Variants in USP46 observed in about 807,000 individuals in gnomAD.
USP46 encodes ubiquitin specific peptidase 46.
A neutral mutation model predicts 44.4 loss-of-function variants in USP46; 12 were observed. The ratio of observed to expected loss-of-function variants is 0.27; its 90% confidence interval spans 0.17 to 0.44. The LOEUF is 0.44. Ranked by LOEUF, USP46 falls within the 20% of genes least tolerant of loss-of-function variation. The probability of loss-of-function intolerance (pLI) is 1.00; values close to 1 mark genes in which losing one functional copy is unlikely to be tolerated. For missense variants in USP46, 248 were observed against 444.8 expected (o/e 0.56, Z 3.98); for synonymous variants, 155 against 161.5 (o/e 0.96, Z 0.31).
chr4:52,605,689 T>C (rs1161261889), intron 5 of USP46, among the ~76,000 whole-genome samples: 1 of 152,118 alleles, frequency 6.6e-6, no homozygotes, highest in East Asian at 1.9e-4. Flanking sequence ...CAGAGATGTG[T>C]GCAAATGAAC....
intron 1 of USP46, among the ~76,000 whole-genome samples, chr4:52,655,578 T>C (rs924954422): frequency 6.6e-6 from 1 of 152,172 alleles, no homozygotes; most frequent in African/African-American, 2.4e-5. Context: ...ACAAAAACTT[T>C]CCATTTGCAG....
chr4:52,625,887 T>C (rs1577677528), intron 4 of USP46, 131 bp downstream of exon 4: 2 of 936,634 alleles, frequency 2.1e-6, no homozygotes, highest in East Asian at 5.3e-5. Flanking sequence ...GAGTTTCATA[T>C]GCATAAATAG....
At position 52,628,175 on chromosome 4, in the gene USP46, C is replaced by A. The variant is rs774956336; in HGVS notation, c.118-12G>T. ...CATGTGTTTCCAAACTGCCAAGGGA[C>A]AAGAGGGATGGCTCAAGTCATTGCC... On this transcript the variant is annotated splice_polypyrimidine_tract_variant and intron_variant, in intron 2 of 8. Coordinates refer to ENST00000441222, the MANE Select transcript of USP46 (RefSeq NM_022832.4). 2 of 1,611,186 alleles carry A rather than the reference C, an allele frequency of 1.2e-6. No homozygotes were observed. Among genetic ancestry groups the A allele is most frequent in the Non-Finnish European group, 1.7e-6 (2 of 1,177,958 alleles).
rs1201828331 is a variant in USP46, at chr4:52,598,662, C to T, written c.965G>A (p.Gly322Asp). 6.2e-7 allele frequency: 1 copy of T among 1,610,604 alleles called. No homozygotes were observed. Among genetic ancestry groups the T allele is most frequent in the Non-Finnish European group, 8.5e-7 (1 of 1,178,690 alleles). The change falls in exon 8 of 9, where the codon GGC (glycine) becomes GAC (aspartate). Residue 322 changes from glycine to aspartate, a missense_variant. Physicochemically the swap from Gly to Asp is moderately conservative, Grantham distance 94. Coordinates refer to ENST00000441222, the MANE Select transcript of USP46 (RefSeq NM_022832.4). ...GHYITIVKSH[G>D]FWLLFDDDIV... is the part of the protein sequence containing the mutation. ...GTCATCATCAAACAAAAGCCAGAAG[C>T]CGTGACTTTTCACAATAGTGATATA...
chr4:52,649,312 A>C (rs1291300290), intron 1 of USP46, among the ~76,000 whole-genome samples: 1 of 152,246 alleles, frequency 6.6e-6, no homozygotes, highest in African/African-American at 2.4e-5. Flanking sequence ...CATAGCTCAC[A>C]CAGTGCTTCC....
chr4:52,632,930 A>G (rs1717905616), intron 1 of USP46, among the ~76,000 whole-genome samples: 1 of 63,206 alleles, frequency 1.6e-5, no homozygotes, highest in East Asian at 4.0e-4. Flanking sequence ...GAAAGAAAGA[A>G]AGAAAGAAAG....
Position 52,596,672 on chromosome 4 carries a change from T to C in USP46, c.*968A>G, listed in dbSNP as rs1716257339. On this transcript the variant is annotated 3_prime_UTR_variant, in exon 9 of 9. Coordinates refer to ENST00000441222, the MANE Select transcript of USP46 (RefSeq NM_022832.4). ...TAAAAAGTTAAGTTGTACAACGTGC[T>C]GATGGCTGGAAAGATGTAGTACCTT... 6.6e-6 allele frequency: 1 copy of C among 152,424 alleles called. No individual in the cohort carries two copies. The highest frequency in any genetic ancestry group is 2.4e-5 in the African/African-American group (1 of 41,448). The allele number at this position is 152,424 out of a possible 1,614,324, so 9.4% of individuals were successfully genotyped here.
Position 52,595,978 on chromosome 4 carries a change from T to C in USP46, c.*1662A>G, listed in dbSNP as rs1716224494. 1 of 152,672 alleles carries C rather than the reference T, an allele frequency of 6.5e-6. No homozygotes were observed. Among genetic ancestry groups the C allele is most frequent in the Admixed American group, 6.5e-5 (1 of 15,274 alleles). 9.5% of individuals were successfully genotyped at this position (152,672 alleles called of 1,614,324 possible). ...ACAAGGCAAGGTACATTTCCATCAC[T>C]TGTATAAAACAATAACATGAAGATC... On this transcript the variant is annotated 3_prime_UTR_variant, in exon 9 of 9. Coordinates refer to ENST00000441222, the MANE Select transcript of USP46 (RefSeq NM_022832.4).
At chr4:52,609,595 T>G (rs564404797) in intron 5 of USP46, among the ~76,000 whole-genome samples, 138 of 152,292 alleles carry the variant, frequency 9.1e-4, no homozygotes, top group Non-Finnish European at 1.4e-3. Flanking sequence ...GGCTTCTCTT[T>G]CTGCTGTGGA....
At position 52,632,887 on chromosome 4, in the gene USP46, G is replaced by A. The variant is rs575450288; in HGVS notation, c.37-1743C>T. ...GACAAGACAGAGAAAGAAAAGGAAG[G>A]AAGGAAGGAAGGGAAAGAGAAAGAA... On this transcript the variant is annotated intron_variant, in intron 1 of 8. Coordinates refer to ENST00000441222, the MANE Select transcript of USP46 (RefSeq NM_022832.4). Among the ~76,000 whole-genome samples the A allele has an allele frequency of 1.5e-4, 17 of 117,218 alleles. No individual in the cohort carries two copies. In the East Asian group the frequency reaches 4.8e-3, roughly 33 times the overall value. 76.9% of individuals were successfully genotyped at this position (117,218 alleles called of 152,430 possible).
intron 5 of USP46, among the ~76,000 whole-genome samples, chr4:52,605,660 C>T (rs1294989550): frequency 6.6e-6 from 1 of 152,224 alleles, no homozygotes; most frequent in African/African-American, 2.4e-5. Context: ...TAACTGCCTT[C>T]ATACGGCTCA....
chr4:52,632,919 A>AGAAAGAAAGAAG (rs1717903020), intron 1 of USP46, among the ~76,000 whole-genome samples: 1 of 9,092 alleles, frequency 1.1e-4, no homozygotes, highest in Non-Finnish European at 4.0e-4. Flanking sequence ...AGAAAGAAAG[A>AGAAAGAAAGAAG]GAAAGAAAGA....
intron 4 of USP46, among the ~76,000 whole-genome samples, chr4:52,615,104 G>A (rs1202491998): frequency 6.6e-6 from 1 of 151,964 alleles, no homozygotes; most frequent in East Asian, 1.9e-4. Flanking sequence ...AGAAAATATA[G>A]AAGAGGAACA....
chr4:52,646,401 T>G (rs567483821), intron 1 of USP46, among the ~76,000 whole-genome samples: 33 of 152,278 alleles, frequency 2.2e-4, no homozygotes, highest in African/African-American at 6.7e-4. Context: ...CTGGGCTCTC[T>G]CCTCCCATCC....
intron 1 of USP46, among the ~76,000 whole-genome samples, chr4:52,637,640 C>T (rs920160957): frequency 6.6e-6 from 1 of 152,140 alleles, no homozygotes; most frequent in Non-Finnish European, 1.5e-5. Flanking sequence ...TTTTACTCTA[C>T]TGCCACCAGC....
intron 1 of USP46, among the ~76,000 whole-genome samples, chr4:52,640,763 G>A (rs1450825780): frequency 6.8e-6 from 1 of 146,542 alleles, no homozygotes; most frequent in Non-Finnish European, 1.5e-5. Context: ...CCAAGATCAC[G>A]CCACGGCACT....
In USP46 at chr4:52,594,849, T is replaced by G. The variant is rs927731206; in HGVS notation, c.*2791A>C. ...ATTCAAACTAATGCCCTGCTTGTGT[T>G]GTGCCTCACTCTCTTTAGACCAGTC... On this transcript the variant is annotated 3_prime_UTR_variant, in exon 9 of 9. Transcript: ENST00000441222. 2.6e-5 allele frequency: 4 copies of G among 152,200 alleles called. No individual in the cohort carries two copies. The highest frequency in any genetic ancestry group is 9.6e-5 in the African/African-American group (4 of 41,458). The allele number at this position is 152,200 out of a possible 1,614,324, so 9.4% of individuals were successfully genotyped here.
At chr4:52,604,703 T>C in intron 5 of USP46, 119 bp from the exon 6 acceptor site, 2 of 680,444 alleles carry the variant, frequency 2.9e-6, no homozygotes, top group East Asian at 6.2e-5. Flanking sequence ...GAAGAAGTAA[T>C]CAGAAAAAAA....
chr4:52,596,186 A>AT lies in USP46; in HGVS notation c.*1453dup, dbSNP rs1716231407. The AT allele has an allele frequency of 6.6e-6, 1 of 152,550 alleles. No homozygotes were observed. Among genetic ancestry groups the AT allele is most frequent in the African/African-American group, 2.4e-5 (1 of 41,430 alleles). 9.4% of individuals were successfully genotyped at this position (152,550 alleles called of 1,614,324 possible). ...TCATTGTTGCAAAATGGCCACTAAC[A>AT]TTTTCCATTTCAATTTTAGTTCACA... On this transcript the variant is annotated 3_prime_UTR_variant, in exon 9 of 9. Coordinates refer to ENST00000441222, the MANE Select transcript of USP46 (RefSeq NM_022832.4).
Sources: gnomAD v4.1 joint callset for allele counts (sites outside exome capture counted in the v4.1 genomes callset) on GRCh38, gnomAD v4.1.1 for gene constraint, MANE v1.5 for transcripts, NCBI Gene and HGNC (gene_info 2026-07-23, HGNC 2026-07-21) for gene names.